Variants in ST6GALNAC5 observed in about 807,000 individuals in gnomAD.
ST6GALNAC5 encodes the protein alpha-N-acetylgalactosaminide alpha-2,6-sialyltransferase 5.
A neutral mutation model predicts 33.6 loss-of-function variants in ST6GALNAC5; 27 were observed. The ratio of observed to expected loss-of-function variants is 0.80; its 90% CI spans 0.59 to 1.11. The LOEUF is 1.11. Among genes scored for constraint, ST6GALNAC5 ranks in the 50% least tolerant of loss-of-function variants. The probability of loss-of-function intolerance (pLI) is 0.00; values close to 1 mark genes in which losing one functional copy is unlikely to be tolerated. For missense variants in ST6GALNAC5, 428 were observed against 454.0 expected (o/e 0.94, Z 0.52); for synonymous variants, 194 against 171.2 (o/e 1.13, Z -1.04).
At chr1:76,989,551 G>A (rs886547970) in intron 2 of ST6GALNAC5, among the ~76,000 whole-genome samples, 10 of 151,958 alleles carry the variant, frequency 6.6e-5, no homozygotes, top group African/African-American at 2.4e-4. Context: ...TTGTCTTGGA[G>A]TATAGATATA....
At chr1:77,009,973 T>C (rs1277179927) in intron 2 of ST6GALNAC5, among the ~76,000 whole-genome samples, 1 of 152,170 alleles carries the variant, frequency 6.6e-6, no homozygotes, top group East Asian at 1.9e-4. Context: ...CACATTAAAA[T>C]GTTTCTCTGA....
At position 77,066,100 on chromosome 1, in the gene ST6GALNAC5, G is replaced by A. The variant is rs1470997726; in HGVS notation, c.*2894G>A. ...GTAAATATTCAGCATGCTGCATGGA[G>A]ACTTAGCTGTGTGATTTCCATTACC... On this transcript the variant is annotated 3_prime_UTR_variant, in exon 5 of 5. Coordinates refer to ENST00000477717, the MANE Select transcript of ST6GALNAC5 (RefSeq NM_030965.3). 6.6e-6 allele frequency among the ~76,000 whole-genome samples: 1 copy of A among 152,154 alleles called. No individual in the cohort carries two copies. The highest frequency in any genetic ancestry group is 2.4e-5 in the African/African-American group (1 of 41,418).
chr1:77,044,449 C>T lies in ST6GALNAC5; in HGVS notation c.507C>T (p.Ile169=). Residue 169 remains isoleucine (I), a synonymous_variant, in exon 3 of 5, where the codon ATC becomes ATT. Transcript: ENST00000477717. ...ACGTGAGCCAGGGCACCGTGTTCATCTTCTGGGGCCCCAGCAGCTACATGC... is the reference window on the plus strand; with the variant it reads ...ACGTGAGCCAGGGCACCGTGTTCATTTTCTGGGGCCCCAGCAGCTACATGC... ...LLNVSQGTVF[I]FWGPSSYMRR... The T allele has an allele frequency of 6.2e-7, 1 of 1,613,376 alleles. No individual in the cohort carries two copies. Among genetic ancestry groups the T allele is most frequent in the East Asian group, 2.2e-5 (1 of 44,834 alleles).
intron 2 of ST6GALNAC5, among the ~76,000 whole-genome samples, chr1:76,950,736 C>A (rs895565313): frequency 1.3e-5 from 2 of 151,960 alleles, no homozygotes; most frequent in African/African-American, 4.8e-5. Context: ...GGTAACTGAA[C>A]TGAATCTCCA....
At chr1:77,013,905 A>G (rs1035400046) in intron 2 of ST6GALNAC5, among the ~76,000 whole-genome samples, 1 of 152,220 alleles carries the variant, frequency 6.6e-6, no homozygotes, top group African/African-American at 2.4e-5. Context: ...AATGATGCAC[A>G]GTTTGCTGAA....
chr1:77,038,214 C>A (rs1437902751), intron 2 of ST6GALNAC5, among the ~76,000 whole-genome samples: 1 of 152,172 alleles, frequency 6.6e-6, no homozygotes, highest in Non-Finnish European at 1.5e-5. Context: ...AGAAAGACTT[C>A]TTGGCAGTGA....
intron 2 of ST6GALNAC5, among the ~76,000 whole-genome samples, chr1:76,871,589 T>C (rs1005150366): frequency 6.6e-6 from 1 of 152,226 alleles, no homozygotes; most frequent in Non-Finnish European, 1.5e-5. Context: ...TTGTCTCATA[T>C]GGCTGCAGAC....
chr1:76,927,454 A>C (rs1647096951), intron 2 of ST6GALNAC5, among the ~76,000 whole-genome samples: 1 of 152,098 alleles, frequency 6.6e-6, no homozygotes, highest in Non-Finnish European at 1.5e-5. Flanking sequence ...AAGCAAAGTG[A>C]AACTGTTTCC....
At chr1:76,878,067 G>A (rs1331352680) in intron 2 of ST6GALNAC5, among the ~76,000 whole-genome samples, 1 of 152,142 alleles carries the variant, frequency 6.6e-6, no homozygotes, top group Non-Finnish European at 1.5e-5. Flanking sequence ...CTTCTGTCCA[G>A]GCGAAATGGG....
chr1:76,975,852 T>C (rs1648988528), intron 2 of ST6GALNAC5, among the ~76,000 whole-genome samples: 2 of 152,162 alleles, frequency 1.3e-5, no homozygotes, highest in African/African-American at 4.8e-5. Context: ...CCCAGCACTT[T>C]GGGAGGCTGA....
chr1:76,952,868 C>T (rs867341325), intron 2 of ST6GALNAC5, among the ~76,000 whole-genome samples: 19 of 152,068 alleles, frequency 1.2e-4, no homozygotes, highest in Admixed American at 1.2e-3. Flanking sequence ...CACTTACTCC[C>T]CATCCTCTCA....
intron 2 of ST6GALNAC5, among the ~76,000 whole-genome samples, chr1:76,887,675 G>A (rs1338499340): frequency 6.6e-6 from 1 of 152,024 alleles, no homozygotes; most frequent in Non-Finnish European, 1.5e-5. Flanking sequence ...TTACAAATTA[G>A]ATCAGAATAA....
At chr1:76,879,593 TG>T (rs1454450592) in intron 2 of ST6GALNAC5, among the ~76,000 whole-genome samples, 1 of 151,740 alleles carries the variant, frequency 6.6e-6, no homozygotes. Context: ...CAAACAGGGG[TG>T]TTGGGGTGGC....
At chr1:76,922,970 T>A (rs750050317) in intron 2 of ST6GALNAC5, among the ~76,000 whole-genome samples, 14 of 151,312 alleles carry the variant, frequency 9.3e-5, no homozygotes, top group Non-Finnish European at 1.5e-4. Flanking sequence ...AAGAAACTTT[T>A]AAGAAGAAAG....
At chr1:76,959,175 T>A (rs527917490) in intron 2 of ST6GALNAC5, among the ~76,000 whole-genome samples, 1 of 152,316 alleles carries the variant, frequency 6.6e-6, no homozygotes, top group Non-Finnish European at 1.5e-5. Context: ...GGTGGTTTTA[T>A]TTGCTATCCT....
rs545162484 is a variant in ST6GALNAC5 at position 76,924,143 on chromosome 1, C to T, written c.261+55401C>T. ...GGGGTAAGGAAAGGACCTTTACCTC[C>T]AGATAAAGAAGTAATATTTCTATCT... On this transcript the variant is annotated intron_variant, in intron 2 of 4. Coordinates refer to ENST00000477717, the MANE Select transcript of ST6GALNAC5 (RefSeq NM_030965.3). 3.2e-4 allele frequency among the ~76,000 whole-genome samples: 49 copies of T among 152,046 alleles called. No individual in the cohort carries two copies. The South Asian group carries it at 9.8e-3, about 30-fold the overall frequency.
chr1:77,041,420 T>C (rs575486482), intron 2 of ST6GALNAC5, among the ~76,000 whole-genome samples: 1 of 152,362 alleles, frequency 6.6e-6, no homozygotes, highest in African/African-American at 2.4e-5. Flanking sequence ...TTACTTTTAA[T>C]GGCAATTAGT....
intron 2 of ST6GALNAC5, among the ~76,000 whole-genome samples, chr1:77,025,500 A>G (rs934290928): frequency 2.7e-5 from 4 of 150,158 alleles, no homozygotes; most frequent in African/African-American, 1.0e-4. Context: ...AGACTGGGCG[A>G]CAGAGCAAGA....
chr1:76,919,975 A>G (rs987599612), intron 2 of ST6GALNAC5, among the ~76,000 whole-genome samples: 1 of 152,222 alleles, frequency 6.6e-6, no homozygotes, highest in African/African-American at 2.4e-5. Context: ...GGCATTAAAA[A>G]AGGTAAAAAG....
Sources: allele counts gnomAD v4.1 joint callset (sites outside exome capture counted in the v4.1 genomes callset), GRCh38; gene constraint gnomAD v4.1.1; transcripts MANE v1.5; gene names NCBI Gene and HGNC (gene_info 2026-07-23, HGNC 2026-07-21).